The following CYREN variants were observed in gnomAD, a reference collection of about 807,000 sequenced individuals.
CYREN encodes the protein cell cycle regulator of NHEJ, also known as cell cycle regulator of non-homologous end joining.
Under a neutral mutation model 9.7 loss-of-function variants are expected in CYREN, and 7 were observed. The observed-to-expected ratio is 0.72, with a 90% CI of 0.41 to 1.36. The LOEUF is 1.36. Among genes scored for constraint, CYREN ranks in the 40% most tolerant of loss-of-function variants. The pLI, the probability that CYREN is intolerant of heterozygous loss-of-function variation, is 0.01. For missense variants in CYREN, 215 were observed against 198.1 expected, an observed-to-expected ratio of 1.09 and a Z score of -0.51; for synonymous variants, 76 against 77.9, an observed-to-expected ratio of 0.98 and a Z score of 0.13.
At chr7:135,170,972 TGG>T (rs1830623645), upstream of CYREN, among the ~76,000 whole-genome samples, 2 of 151,892 alleles carry the variant, frequency 1.3e-5, no homozygotes. Flanking sequence ...GTTCAATTCT[TGG>T]CCCCTGAAGT....
chr7:135,157,964 T>C (rs558091957), intron 2 of CYREN, among the ~76,000 whole-genome samples: 1 of 152,106 alleles, frequency 6.6e-6, no homozygotes, highest in African/African-American at 2.4e-5. Flanking sequence ...CAAGAAGCTG[T>C]AGGGAGGGTG....
chr7:135,148,135 C>G (rs1196744756), intron 2 of CYREN: 1 of 452,176 alleles, frequency 2.2e-6, no homozygotes, highest in Non-Finnish European at 4.4e-6. Context: ...CTGCATCTGC[C>G]TGCCATTTCC....
At chr7:135,147,354 G>C (rs1288515584) in intron 2 of CYREN, among the ~76,000 whole-genome samples, 1 of 152,168 alleles carries the variant, frequency 6.6e-6, no homozygotes, top group East Asian at 1.9e-4. Flanking sequence ...TCCTTTGGAG[G>C]AAGGGCAAGG....
intron 2 of CYREN, chr7:135,128,758 A>G (rs1171717940): frequency 7.4e-7 from 1 of 1,351,442 alleles, no homozygotes; most frequent in Non-Finnish European, 1.0e-6. Flanking sequence ...CTCTCCCAAC[A>G]CAGAGCTAGA....
chr7:135,167,668 CA>C (rs138841490), intron 3 of CYREN, 63 bp downstream of exon 3: 197,713 of 1,600,848 alleles, frequency 0.12, 13,505 homozygotes, highest in Middle Eastern at 0.19. Context: ...TGACGGTGAC[CA>C]AGGGTCTAGC....
At chr7:135,157,231 A>T (rs181362664) in intron 2 of CYREN, among the ~76,000 whole-genome samples, 41 of 152,282 alleles carry the variant, frequency 2.7e-4, no homozygotes, top group African/African-American at 9.6e-4. Context: ...TGCTTTTATA[A>T]GGGAGAATTT....
At chr7:135,148,607 G>A (rs1438307064) in intron 2 of CYREN, among the ~76,000 whole-genome samples, 1 of 152,222 alleles carries the variant, frequency 6.6e-6, no homozygotes, top group African/African-American at 2.4e-5. Flanking sequence ...GGACATGGCT[G>A]TGGCTTGTGC....
At chr7:135,119,445 G>A (rs531021008) in intron 2 of CYREN, among the ~76,000 whole-genome samples, 12 of 151,910 alleles carry the variant, frequency 7.9e-5, no homozygotes, top group African/African-American at 2.9e-4. Context: ...TGGCCATGCT[G>A]GTCTCGAACT....
chr7:135,168,191 A>T, intron 2 of CYREN: 1 of 231,412 alleles, frequency 4.3e-6, no homozygotes, highest in Non-Finnish European at 8.7e-6. Flanking sequence ...GTCACAAGGG[A>T]AGGCTGTCAG....
chr7:135,158,005 C>T (rs1022485914), intron 2 of CYREN, among the ~76,000 whole-genome samples: 1 of 151,796 alleles, frequency 6.6e-6, no homozygotes, highest in African/African-American at 2.4e-5. Context: ...CACAGCAACC[C>T]GTAGCAGGCA....
chr7:135,109,148 G>C (rs1825224210), intron 2 of CYREN, among the ~76,000 whole-genome samples: 1 of 152,108 alleles, frequency 6.6e-6, no homozygotes, highest in Non-Finnish European at 1.5e-5. Flanking sequence ...GAATTTTGAT[G>C]ATCTTTCCTA....
intron 2 of CYREN, among the ~76,000 whole-genome samples, chr7:135,105,607 A>G (rs1824582789): frequency 6.6e-6 from 1 of 152,208 alleles, no homozygotes; most frequent in African/African-American, 2.4e-5. Flanking sequence ...GTTTTTGTAC[A>G]GTACCATGCT....
At chr7:135,101,931 C>A (rs1028980062) in intron 2 of CYREN, among the ~76,000 whole-genome samples, 1 of 152,174 alleles carries the variant, frequency 6.6e-6, no homozygotes, top group East Asian at 1.9e-4. Flanking sequence ...ATAAGTCTCA[C>A]GAGATCCGTT....
At chr7:135,154,468 T>C (rs545140662) in intron 2 of CYREN, among the ~76,000 whole-genome samples, 1 of 152,250 alleles carries the variant, frequency 6.6e-6, no homozygotes, top group Non-Finnish European at 1.5e-5. Flanking sequence ...GTGATCTTTC[T>C]ACTTTTTTGA....
At position 135,168,482 on chromosome 7, in the gene CYREN, G is replaced by C. The variant is rs1830400028; in HGVS notation, c.137+304C>G. ...CTGATGTTACCATGTTTGTTGTAAA[G>C]GAAGAGACTGGCATTCTGGACAACT... On this transcript the variant is annotated intron_variant, in intron 2 of 3. Transcript: ENST00000393114. 6.4e-5 allele frequency: 29 copies of C among 450,256 alleles called. No homozygotes were observed. In the South Asian group the frequency reaches 9.5e-4, roughly 15 times the overall value. 27.9% of individuals were successfully genotyped at this position (450,256 alleles called of 1,614,324 possible). A position where few individuals can be genotyped will look rare whatever the true frequency, so the allele number is the denominator to read the frequency against.
intron 2 of CYREN, among the ~76,000 whole-genome samples, chr7:135,109,557 C>T (rs1177212506): frequency 2.6e-5 from 4 of 152,198 alleles, no homozygotes; most frequent in African/African-American, 7.2e-5. Context: ...TTTTCAGCAC[C>T]TGAAGGTACC....
upstream of CYREN, among the ~76,000 whole-genome samples, chr7:135,172,172 T>C (rs1199415534): frequency 1.3e-5 from 2 of 152,206 alleles, no homozygotes; most frequent in Non-Finnish European, 2.9e-5. Context: ...GCACTTTTGT[T>C]CTGGTTTTGA....
intron 2 of CYREN, among the ~76,000 whole-genome samples, chr7:135,106,143 T>C (rs1824680165): frequency 6.6e-6 from 1 of 152,050 alleles, no homozygotes; most frequent in Non-Finnish European, 1.5e-5. Context: ...GGGCCAAGAC[T>C]GAGGTTTTCT....
At chr7:135,126,091 A>G (rs1485192670) in intron 2 of CYREN, among the ~76,000 whole-genome samples, 1 of 151,966 alleles carries the variant, frequency 6.6e-6, no homozygotes, top group Non-Finnish European at 1.5e-5. Flanking sequence ...ACAGGAAGAG[A>G]GGAAGTCAAA....
Sources: gnomAD v4.1 joint callset for allele counts (sites outside exome capture counted in the v4.1 genomes callset) on GRCh38, gnomAD v4.1.1 for gene constraint, MANE v1.5 for transcripts, NCBI Gene and HGNC (gene_info 2026-07-23, HGNC 2026-07-21) for gene names.